Variants in COL24A1 observed in about 807,000 individuals in gnomAD.
COL24A1 encodes the protein collagen alpha-1(XXIV) chain.
A neutral mutation model predicts 253.9 loss-of-function variants in COL24A1; 224 were observed. The observed-to-expected ratio is 0.88, with a 90% confidence interval of 0.79 to 0.99. COL24A1 has a LOEUF of 0.99. Ranked by LOEUF, COL24A1 falls within the 50% of genes least tolerant of loss-of-function variation. The pLI is 0.00. For synonymous variants in COL24A1, 685 were observed against 673.7 expected, an observed-to-expected ratio of 1.02 and a Z score of -0.26; for missense variants, 2,131 against 2,068.5, an observed-to-expected ratio of 1.03 and a Z score of -0.59.
chr1:85,754,925 G>A (rs1666061675), intron 55 of COL24A1, among the ~76,000 whole-genome samples: 1 of 152,130 alleles, frequency 6.6e-6, no homozygotes, highest in African/African-American at 2.4e-5. Context: ...AAGAGATCAT[G>A]GCTGAAAACA....
intron 19 of COL24A1, among the ~76,000 whole-genome samples, chr1:85,989,757 T>C (rs1222117314): frequency 6.6e-6 from 1 of 152,200 alleles, no homozygotes; most frequent in Non-Finnish European, 1.5e-5. Context: ...CTTTCAATTC[T>C]GGGCTTTTGC....
At chr1:85,987,766 C>A in intron 19 of COL24A1, 112 bp from the exon 20 acceptor site, 1 of 832,998 alleles carries the variant, frequency 1.2e-6, no homozygotes, top group Non-Finnish European at 1.9e-6. Flanking sequence ...AATTTATAAT[C>A]CTCAAAAATT....
At chr1:85,736,039 A>G in intron 58 of COL24A1, 1 of 228,526 alleles carries the variant, frequency 4.4e-6, no homozygotes, top group Admixed American at 5.0e-5. Context: ...GAAACTTGCA[A>G]ACAATATTTA....
intron 31 of COL24A1, among the ~76,000 whole-genome samples, chr1:85,890,878 C>T (rs896844365): frequency 2.0e-5 from 3 of 152,076 alleles, no homozygotes; most frequent in African/African-American, 7.2e-5. Context: ...CCCATCTTTA[C>T]ACTCTTTGTA....
chr1:85,985,822 A>G (rs568506953), intron 20 of COL24A1, among the ~76,000 whole-genome samples: 2 of 152,050 alleles, frequency 1.3e-5, no homozygotes, highest in Admixed American at 1.3e-4. Context: ...GGAGACAGAA[A>G]GGAAGTGGGA....
intron 7 of COL24A1, among the ~76,000 whole-genome samples, chr1:86,066,526 G>A (rs536452322): frequency 6.6e-6 from 1 of 152,008 alleles, no homozygotes; most frequent in Admixed American, 6.5e-5. Context: ...TTACAGGCGT[G>A]AGCCACTGCG....
chr1:85,926,429 C>T (rs1469491134), intron 24 of COL24A1, among the ~76,000 whole-genome samples: 1 of 152,174 alleles, frequency 6.6e-6, no homozygotes, highest in South Asian at 2.1e-4. Context: ...AAATGTCCAT[C>T]AATGACAGAC....
intron 28 of COL24A1, among the ~76,000 whole-genome samples, chr1:85,897,956 T>C (rs1683911768): frequency 6.6e-6 from 1 of 152,164 alleles, no homozygotes; most frequent in Admixed American, 6.5e-5. Flanking sequence ...CAAGTTCTCA[T>C]AGACTTATTC....
chr1:85,938,981 C>T (rs745853575), intron 24 of COL24A1, among the ~76,000 whole-genome samples: 1 of 152,176 alleles, frequency 6.6e-6, no homozygotes, highest in Non-Finnish European at 1.5e-5. Context: ...ACTCTTTCTA[C>T]AACTGTTGCT....
At chr1:85,873,075 C>G (rs921673610) in intron 35 of COL24A1, among the ~76,000 whole-genome samples, 1 of 152,080 alleles carries the variant, frequency 6.6e-6, no homozygotes, top group African/African-American at 2.4e-5. Flanking sequence ...CCAACAGACA[C>G]ATGAAAAAAT....
At chr1:85,833,041 C>T (rs1306364784) in intron 43 of COL24A1, among the ~76,000 whole-genome samples, 2 of 152,032 alleles carry the variant, frequency 1.3e-5, no homozygotes, top group Admixed American at 6.6e-5. Flanking sequence ...TTTGCCCATT[C>T]AGTATGATAC....
intron 37 of COL24A1, among the ~76,000 whole-genome samples, chr1:85,860,917 C>T (rs115877573): frequency 0.016 from 2,387 of 152,100 alleles, 55 homozygotes; most frequent in African/African-American, 0.054. Context: ...CAGGTGATGC[C>T]CATTTGGGTT....
chr1:85,987,688 A>G (rs779991036), intron 19 of COL24A1, 34 bp from the exon 20 acceptor site: 1 of 1,562,650 alleles, frequency 6.4e-7, no homozygotes, highest in South Asian at 1.2e-5. Flanking sequence ...TTTATTCCAT[A>G]GAAAATTACT....
intron 40 of COL24A1, 24 bp downstream of exon 40, chr1:85,842,316 A>AT (rs1231837812): frequency 1.3e-6 from 2 of 1,527,576 alleles, no homozygotes; most frequent in Admixed American, 2.0e-5. Flanking sequence ...ATGTGAATAT[A>AT]TTTTTTCAAT....
intron 3 of COL24A1, among the ~76,000 whole-genome samples, chr1:86,119,095 G>T (rs1287903626): frequency 6.6e-6 from 1 of 152,136 alleles, no homozygotes; most frequent in Non-Finnish European, 1.5e-5. Context: ...GGTAAAAGAT[G>T]TCAGAGTGAG....
At chr1:86,013,815 G>C (rs900748633) in intron 19 of COL24A1, among the ~76,000 whole-genome samples, 10 of 152,122 alleles carry the variant, frequency 6.6e-5, no homozygotes, top group African/African-American at 2.4e-4. Context: ...CAGCCTGGGC[G>C]AGAGAGTGAA....
chr1:85,916,115 T>C (rs748772356), intron 24 of COL24A1, among the ~76,000 whole-genome samples: 1 of 152,194 alleles, frequency 6.6e-6, no homozygotes, highest in African/African-American at 2.4e-5. Flanking sequence ...TAAAGATTTA[T>C]AAAATTATTA....
intron 8 of COL24A1, among the ~76,000 whole-genome samples, chr1:86,060,253 T>C (rs892049527): frequency 6.6e-6 from 1 of 152,162 alleles, no homozygotes; most frequent in African/African-American, 2.4e-5. Context: ...CATCAGTTTA[T>C]TCAGAGTTTG....
chr1:85,991,282 C>T (rs1203721552), intron 19 of COL24A1, among the ~76,000 whole-genome samples: 1 of 152,116 alleles, frequency 6.6e-6, no homozygotes, highest in East Asian at 1.9e-4. Context: ...GATTGGGGAG[C>T]TTCAACAACT....
Sources: allele counts gnomAD v4.1 joint callset (sites outside exome capture counted in the v4.1 genomes callset), GRCh38; gene constraint gnomAD v4.1.1; transcripts MANE v1.5; gene names NCBI Gene and HGNC (gene_info 2026-07-23, HGNC 2026-07-21).